Variants in ANKRD11 observed in about 807,000 individuals in gnomAD.
The protein encoded by ANKRD11 is ankyrin repeat domain 11.
ANKRD11 carries 17 observed loss-of-function variants against 195.7 expected under a neutral mutation model. That is an observed-to-expected ratio of 0.09 (90% CI 0.06 to 0.13). The LOEUF is 0.13. ANKRD11 is among the 10% of genes least tolerant of loss of function. ANKRD11 has a pLI of 1.00. For missense variants in ANKRD11, 3,735 were observed against 3,566.1 expected (o/e 1.05, Z -1.21); for synonymous variants, 1,953 against 1,528.1 (o/e 1.28, Z -6.49).
At chr16:89,286,789 G>A (rs1480187564) in intron 7 of ANKRD11, 6 of 1,287,108 alleles carry the variant, frequency 4.7e-6, no homozygotes, top group Middle Eastern at 6.5e-4. Context: ...GCTCTTTTCA[G>A]CTGTTCATCA....
intron 1 of ANKRD11, among the ~76,000 whole-genome samples, chr16:89,488,145 G>C (rs1476357280): frequency 1.3e-5 from 2 of 152,260 alleles, no homozygotes; most frequent in East Asian, 1.9e-4. Flanking sequence ...AAATAGAACA[G>C]AAGAAAAAAA....
Position 89,285,169 on chromosome 16 carries a change from C to G in ANKRD11, c.1373G>C (p.Arg458Pro). Residue 458 changes from arginine to proline, a missense_variant, in exon 9 of 13, where the codon CGA (arginine) becomes CCA (proline). Coordinates refer to ENST00000301030, the MANE Select transcript of ANKRD11 (RefSeq NM_013275.6). This position sits in a 1 kb window ranked among gnomAD's most constrained non-coding sequence, Gnocchi z 5.6. Reference sequence around the variant, plus strand: ...CTCTCTGCCTTTTGTTTCTTTCTTTCGCTTCTTTTTCACTTTATTTTTTTC... The same window carrying G: ...CTCTCTGCCTTTTGTTTCTTTCTTTGGCTTCTTTTTCACTTTATTTTTTTC... ...QKEKNKVKKK[R>P]KKETKGREVR... The G allele has an allele frequency of 6.2e-7, 1 of 1,613,446 alleles. No individual in the cohort carries two copies. The highest frequency in any genetic ancestry group is 8.5e-7 in the Non-Finnish European group (1 of 1,180,010).
intron 11 of ANKRD11, among the ~76,000 whole-genome samples, chr16:89,273,486 G>A (rs1368397095): frequency 6.6e-6 from 1 of 152,086 alleles, no homozygotes; most frequent in Non-Finnish European, 1.5e-5. Context: ...TGGATCATAA[G>A]GTCAAGAGAT....
At position 89,317,083 on chromosome 16, in the gene ANKRD11, A is replaced by G. The variant is rs756566111; in HGVS notation, c.-59-5T>C. Reference sequence around the variant, plus strand: ...CGCTTCATCATCAACCGTCTGCTTCAAAAGAGAAGACACACAATTCACTGA... The same window carrying G: ...CGCTTCATCATCAACCGTCTGCTTCGAAAGAGAAGACACACAATTCACTGA... On this transcript the variant is annotated splice_region_variant and splice_polypyrimidine_tract_variant and intron_variant, in intron 2 of 12. Coordinates refer to ENST00000301030, the MANE Select transcript of ANKRD11 (RefSeq NM_013275.6). 6.6e-7 allele frequency: 1 copy of G among 1,519,158 alleles called. No individual in the cohort carries two copies. Among genetic ancestry groups the G allele is most frequent in the Non-Finnish European group, 9.0e-7 (1 of 1,115,210 alleles). The allele number at this position is 1,519,158 out of a possible 1,614,324, so 94.1% of individuals were successfully genotyped here. A position where few individuals can be genotyped will look rare whatever the true frequency, so the allele number is the denominator to read the frequency against.
chr16:89,337,007 C>CAAAAA (rs60248736), intron 2 of ANKRD11, among the ~76,000 whole-genome samples: 632 of 47,708 alleles, frequency 0.013, 16 homozygotes, highest in Non-Finnish European at 0.018. Context: ...CTGGCTCTAC[C>CAAAAA]AAAAAAAAAA....
chr16:89,456,010 T>C (rs1283520444), intron 1 of ANKRD11, among the ~76,000 whole-genome samples: 1 of 152,022 alleles, frequency 6.6e-6, no homozygotes, highest in East Asian at 1.9e-4. Context: ...AGGCTGAAGC[T>C]GGCCAATCAC....
intron 1 of ANKRD11, among the ~76,000 whole-genome samples, chr16:89,467,217 A>T (rs1597498417): frequency 6.6e-6 from 1 of 151,972 alleles, no homozygotes. Context: ...GGATCGCTTG[A>T]GCCCAGGAGT....
chr16:89,304,547 CACAT>C (rs1436781789), intron 4 of ANKRD11, among the ~76,000 whole-genome samples: 2 of 151,312 alleles, frequency 1.3e-5, no homozygotes, highest in African/African-American at 2.4e-5. Flanking sequence ...TACACACAAG[CACAT>C]ACACGGGCAC....
chr16:89,388,584 G>T (rs1048832999), intron 2 of ANKRD11, among the ~76,000 whole-genome samples: 2 of 152,172 alleles, frequency 1.3e-5, no homozygotes, highest in African/African-American at 4.8e-5. Context: ...GTCTCTGACT[G>T]GGAATAAGGA....
chr16:89,411,349 C>T (rs749744790), intron 2 of ANKRD11, among the ~76,000 whole-genome samples: 2 of 152,220 alleles, frequency 1.3e-5, no homozygotes, highest in Admixed American at 6.5e-5. Flanking sequence ...TTGACTGCAC[C>T]GGAAGAGGAG....
intron 2 of ANKRD11, among the ~76,000 whole-genome samples, chr16:89,407,852 CAAAAAAA>C (rs60723753): frequency 5.4e-5 from 6 of 111,436 alleles, no homozygotes; most frequent in Admixed American, 1.0e-4. Flanking sequence ...TGTCTCCCTC[CAAAAAAA>C]AAAAAAAAAA....
At chr16:89,292,679 C>T (rs529460965) in intron 4 of ANKRD11, among the ~76,000 whole-genome samples, 9 of 152,358 alleles carry the variant, frequency 5.9e-5, no homozygotes, top group East Asian at 3.9e-4. Flanking sequence ...CAGTCCTCAA[C>T]GCACAGATCT....
chr16:89,329,208 C>T (rs939439913), intron 2 of ANKRD11, among the ~76,000 whole-genome samples: 1 of 152,190 alleles, frequency 6.6e-6, no homozygotes, highest in South Asian at 2.1e-4. Context: ...TCATGTCTGT[C>T]GGTGGCTGTC....
At chr16:89,383,107 A>C (rs549288105) in intron 2 of ANKRD11, among the ~76,000 whole-genome samples, 1 of 152,336 alleles carries the variant, frequency 6.6e-6, no homozygotes, top group East Asian at 1.9e-4. Flanking sequence ...ATAGGTTTTA[A>C]AAGCTGGGTG....
At chr16:89,362,778 T>TTCC (rs1402154373) in intron 2 of ANKRD11, among the ~76,000 whole-genome samples, 3 of 152,218 alleles carry the variant, frequency 2.0e-5, no homozygotes, top group African/African-American at 7.2e-5. Context: ...TCACGGCCTG[T>TTCC]TCCTCTTCCT....
At chr16:89,328,448 T>C (rs953076670) in intron 2 of ANKRD11, among the ~76,000 whole-genome samples, 2 of 152,250 alleles carry the variant, frequency 1.3e-5, no homozygotes, top group Admixed American at 6.5e-5. Context: ...CTTCAACAGG[T>C]GTCCCAGCGG....
intron 2 of ANKRD11, among the ~76,000 whole-genome samples, chr16:89,318,482 C>A (rs2037101615): frequency 6.6e-6 from 1 of 152,240 alleles, no homozygotes; most frequent in African/African-American, 2.4e-5. Context: ...CCGGGAGAAG[C>A]AGCTTCTGCA....
chr16:89,470,500 C>G (rs999142053), intron 1 of ANKRD11, among the ~76,000 whole-genome samples: 12 of 144,336 alleles, frequency 8.3e-5, no homozygotes, highest in Admixed American at 2.1e-4. Context: ...TACTGGTTAA[C>G]ACCATAGACT....
intron 2 of ANKRD11, among the ~76,000 whole-genome samples, chr16:89,346,313 A>G (rs1396362175): frequency 1.3e-5 from 2 of 152,040 alleles, no homozygotes; most frequent in Non-Finnish European, 2.9e-5. Flanking sequence ...CACGGAGCAG[A>G]TATTAAAGTG....
Sources: allele counts gnomAD v4.1 joint callset (sites outside exome capture counted in the v4.1 genomes callset), GRCh38; gene constraint gnomAD v4.1.1; non-coding constraint Gnocchi (gnomAD v3.1); transcripts MANE v1.5; gene names NCBI Gene and HGNC (gene_info 2026-07-23, HGNC 2026-07-21).